Variants in UBR1 observed in about 807,000 individuals in gnomAD.
The protein encoded by UBR1 is ubiquitin protein ligase E3 component n-recognin 1.
UBR1 carries 102 observed loss-of-function variants against 242.1 expected under a neutral mutation model. The ratio of observed to expected loss-of-function variants is 0.42; its 90% CI spans 0.36 to 0.50. The LOEUF is 0.50. UBR1 is among the 20% of genes least tolerant of loss of function. The pLI, the probability that UBR1 is intolerant of heterozygous loss-of-function variation, is 0.01. For missense variants in UBR1, 1,772 were observed against 2,101.8 expected, an observed-to-expected ratio of 0.84 and a Z score of 3.07; for synonymous variants, 675 against 684.8, an observed-to-expected ratio of 0.99 and a Z score of 0.22.
At chr15:43,059,847 C>CA (rs753743555) in intron 7 of UBR1, 22 bp from the exon 8 acceptor site, 17 of 1,612,028 alleles carry the variant, frequency 1.1e-5, no homozygotes, top group Middle Eastern at 1.7e-4. Flanking sequence ...GGGAACGAAC[C>CA]AAAAAAATAG....
intron 32 of UBR1, among the ~76,000 whole-genome samples, chr15:43,000,360 G>A (rs1327790209): frequency 1.3e-5 from 2 of 152,204 alleles, no homozygotes; most frequent in African/African-American, 4.8e-5. Context: ...GAACTGCTCT[G>A]AAGCATCTGA....
At chr15:43,000,474 T>C (rs903845485) in intron 32 of UBR1, among the ~76,000 whole-genome samples, 9 of 152,212 alleles carry the variant, frequency 5.9e-5, no homozygotes, top group African/African-American at 2.2e-4. Flanking sequence ...AAAAAAGGCT[T>C]GTACAAGAAA....
intron 3 of UBR1, among the ~76,000 whole-genome samples, chr15:43,076,147 GT>G (rs34147534): frequency 0.062 from 7,244 of 116,870 alleles, no homozygotes; most frequent in African/African-American, 0.076. Flanking sequence ...ACTGGTTTTC[GT>G]TTTTTTTTTT....
At chr15:43,040,392 G>A (rs2033401063) in intron 15 of UBR1, among the ~76,000 whole-genome samples, 2 of 152,186 alleles carry the variant, frequency 1.3e-5, no homozygotes, top group South Asian at 4.1e-4. Context: ...AAACTGGCTA[G>A]CCATATGTAG....
At chr15:42,966,497 GC>G (rs1481634339) in intron 40 of UBR1, among the ~76,000 whole-genome samples, 1 of 152,092 alleles carries the variant, frequency 6.6e-6, no homozygotes, top group Non-Finnish European at 1.5e-5. Flanking sequence ...GACCAGCCTG[GC>G]CAACATGGCA....
chr15:43,052,982 C>A (rs550357674), intron 12 of UBR1, among the ~76,000 whole-genome samples: 3 of 152,258 alleles, frequency 2.0e-5, no homozygotes, highest in African/African-American at 7.2e-5. Flanking sequence ...ATATCAAGTA[C>A]CTTCTAAGAA....
chr15:42,970,501 C>T lies in UBR1; in HGVS notation c.4457+19G>A, dbSNP rs567827364. 2 of 1,605,272 alleles carry T rather than the reference C, an allele frequency of 1.2e-6. No homozygotes were observed. Among genetic ancestry groups the T allele is most frequent in the African/African-American group, 1.3e-5 (1 of 74,896 alleles). On this transcript the variant is annotated intron_variant, in intron 40 of 46. Transcript: ENST00000290650. ...AATGGAATTATTACAATAGACTGAA[C>T]TAATGGATTGTTACTCACCCACTTG...
chr15:43,059,804 G>T lies in UBR1; in HGVS notation c.883C>A (p.Gln295Lys), dbSNP rs1013757336. Residue 295 changes from glutamine (Q) to lysine (K), a missense_variant, in exon 8 of 47, where the codon CAA becomes AAA. By Grantham distance (53) the Gln-to-Lys change is moderately conservative (BLOSUM62 1). This residue lies in a region of UBR1 where 734 missense variants were observed against 893.3 expected (regional missense o/e 0.82). Coordinates refer to ENST00000290650, the MANE Select transcript of UBR1 (RefSeq NM_174916.3). ...AATACTTCTACATGAAGTGGATGTT[G>T]AGAGACATTTTCTGAATGACTCTAC... ...DIKSHSENVSQHPLHVEVLHS... is the reference protein window; with the variant it reads ...DIKSHSENVSKHPLHVEVLHS... 6.2e-7 allele frequency: 1 copy of T among 1,613,864 alleles called. No homozygotes were observed. Among genetic ancestry groups the T allele is most frequent in the African/African-American group, 1.3e-5 (1 of 74,894 alleles).
intron 33 of UBR1, among the ~76,000 whole-genome samples, chr15:42,992,851 C>T (rs569937852): frequency 2.2e-4 from 33 of 152,244 alleles, no homozygotes; most frequent in Non-Finnish European, 4.4e-4. Flanking sequence ...ATGCCCTTGG[C>T]GTGAAGCCAC....
intron 46 of UBR1, among the ~76,000 whole-genome samples, chr15:42,946,292 T>C (rs1205595460): frequency 6.6e-6 from 1 of 152,090 alleles, no homozygotes; most frequent in Non-Finnish European, 1.5e-5. Flanking sequence ...ACCTGGCTAA[T>C]TGTTTTTGTA....
intron 43 of UBR1, among the ~76,000 whole-genome samples, chr15:42,960,357 C>T (rs1044955809): frequency 3.3e-5 from 5 of 152,188 alleles, no homozygotes; most frequent in Non-Finnish European, 7.4e-5. Context: ...CCAGCAGCTC[C>T]ATGATGCCTC....
At chr15:43,059,008 A>C in intron 9 of UBR1, 77 bp downstream of exon 9, 1 of 1,118,950 alleles carries the variant, frequency 8.9e-7, no homozygotes, top group Non-Finnish European at 1.4e-6. Context: ...TAATAAACAA[A>C]AGATATTACA....
At chr15:42,973,210 G>A (rs1596081009) in intron 39 of UBR1, among the ~76,000 whole-genome samples, 1 of 152,102 alleles carries the variant, frequency 6.6e-6, no homozygotes, top group East Asian at 1.9e-4. Context: ...GTTGCCCAGG[G>A]TAGTCTCAAA....
rs763034473 is a variant in UBR1, at chr15:43,074,985, T to C, written c.522A>G (p.Ile174Met). The C allele has an allele frequency of 6.2e-7, 1 of 1,612,258 alleles. No homozygotes were observed. The highest frequency in any genetic ancestry group is 8.5e-7 in the Non-Finnish European group (1 of 1,178,296). ...AACAAAATAGCATTCTTACCTCTTT[T>C]ATAGTACCTGCTCTTCCAGGTTCAT... is the stretch of plus-strand genomic sequence containing the variant. ...VNHEPGRAGT[I>M]KENSRCPLNE... Residue 174 changes from isoleucine (I) to methionine (M), a missense_variant, in exon 4 of 47, where the codon ATA becomes ATG. By Grantham distance (10) the Ile-to-Met change is conservative (BLOSUM62 1). Transcript: ENST00000290650.
At chr15:43,027,691 A>T in intron 22 of UBR1, 85 bp downstream of exon 22, 1 of 1,292,310 alleles carries the variant, frequency 7.7e-7, no homozygotes, top group East Asian at 2.4e-5. Context: ...TCAGGCAAGA[A>T]CTTCAGAGCT....
intron 3 of UBR1, among the ~76,000 whole-genome samples, chr15:43,076,818 G>A (rs2033906608): frequency 7.9e-6 from 1 of 127,162 alleles, no homozygotes; most frequent in Admixed American, 7.6e-5. Context: ...CGTCCGGGAG[G>A]TGAGGGGCGC....
At chr15:43,019,446 C>A (rs1427490099) in intron 27 of UBR1, among the ~76,000 whole-genome samples, 1 of 152,088 alleles carries the variant, frequency 6.6e-6, no homozygotes, top group Non-Finnish European at 1.5e-5. Context: ...AAATCAGTAC[C>A]AAGATTTCCA....
At chr15:43,096,402 TC>T (rs1443885934) in intron 1 of UBR1, among the ~76,000 whole-genome samples, 1 of 152,148 alleles carries the variant, frequency 6.6e-6, no homozygotes, top group Non-Finnish European at 1.5e-5. Context: ...CCTTAGGCAA[TC>T]CGCCCACCTC....
At chr15:43,083,887 AC>A (rs1312957123) in intron 2 of UBR1, among the ~76,000 whole-genome samples, 1 of 151,884 alleles carries the variant, frequency 6.6e-6, no homozygotes, top group African/African-American at 2.4e-5. Flanking sequence ...TACTAAAAAT[AC>A]AAAAAATTAG....
Sources: allele counts gnomAD v4.1 joint callset (sites outside exome capture counted in the v4.1 genomes callset), GRCh38; gene constraint gnomAD v4.1.1; regional missense constraint gnomAD v4.1.1; transcripts MANE v1.5; gene names NCBI Gene and HGNC (gene_info 2026-07-23, HGNC 2026-07-21).